VSTM4: variants seen among roughly 807,000 people sequenced by gnomAD.
The protein encoded by VSTM4 is V-set and transmembrane domain-containing protein 4.
A neutral mutation model predicts 36.4 loss-of-function variants in VSTM4; 20 were observed. The observed-to-expected ratio is 0.55, with a 90% CI of 0.39 to 0.80. The LOEUF (loss-of-function observed/expected upper bound fraction) is 0.80. VSTM4 is among the 30% of genes least tolerant of loss of function. The pLI is 0.00. For synonymous variants in VSTM4, 182 were observed against 173.9 expected (o/e 1.05, Z -0.37); for missense variants, 392 against 404.5 (o/e 0.97, Z 0.26).
In VSTM4 at chr10:49,018,337, T is replaced by TGGGAA; in HGVS notation, c.*1308_*1312dup. ...TCCCATTTTACCCTCAAGAATTCTA[T>TGGGAA]GGGAAGTTAAGTCGTCTTTACACAA... On this transcript the variant is annotated 3_prime_UTR_variant, in exon 8 of 8. Coordinates refer to ENST00000332853, the MANE Select transcript of VSTM4 (RefSeq NM_001031746.5). 1 of 152,290 alleles carries TGGGAA rather than the reference T, an allele frequency of 6.6e-6. No individual in the cohort carries two copies. Among genetic ancestry groups the TGGGAA allele is most frequent in the Non-Finnish European group, 1.5e-5 (1 of 68,024 alleles). 9.4% of individuals were successfully genotyped at this position (152,290 alleles called of 1,614,324 possible). A position where few individuals can be genotyped will look rare whatever the true frequency, so the allele number is the denominator to read the frequency against.
chr10:49,085,965 T>G lies in VSTM4; in HGVS notation c.516A>C (p.Ala172=), dbSNP rs778146954. 2 of 1,586,626 alleles carry G rather than the reference T, an allele frequency of 1.3e-6. No individual in the cohort carries two copies. Among genetic ancestry groups the G allele is most frequent in the East Asian group, 4.5e-5 (2 of 44,514 alleles). ...SSFEKTKETW[A]FFEDLYVYAV... is the part of the protein sequence containing the mutation. ...ATATACAAGCTTTACCTTCAAAAAA[T>G]GCCCAAGTCTCTTTTGTTTTCTCAA... The change falls in exon 3 of 8, where the codon GCA becomes GCC. Residue 172 remains alanine (A), a synonymous_variant. Transcript: ENST00000332853.
At chr10:49,075,821 C>T (rs1048562192) in intron 4 of VSTM4, among the ~76,000 whole-genome samples, 2 of 152,236 alleles carry the variant, frequency 1.3e-5, no homozygotes, top group Admixed American at 6.5e-5. Flanking sequence ...CTGTTCCTGA[C>T]CCCCTGGCTT....
chr10:49,111,212 G>A (rs1027799674), intron 1 of VSTM4, among the ~76,000 whole-genome samples: 2 of 152,226 alleles, frequency 1.3e-5, no homozygotes, highest in African/African-American at 4.8e-5. Flanking sequence ...GCACCCAGGG[G>A]CTGGCAAATG....
intron 7 of VSTM4, among the ~76,000 whole-genome samples, chr10:49,024,128 A>G (rs1564564293): frequency 6.6e-6 from 1 of 152,056 alleles, no homozygotes; most frequent in Non-Finnish European, 1.5e-5. Flanking sequence ...GTTTTACTTT[A>G]TTTTCCATTT....
At chr10:49,048,709 G>T in intron 5 of VSTM4, 125 bp from the exon 6 acceptor site, 1 of 734,414 alleles carries the variant, frequency 1.4e-6, no homozygotes, top group South Asian at 1.8e-5. Flanking sequence ...TGTAAGGGAA[G>T]GTTATCATAT....
At chr10:49,067,109 T>A (rs1056021052) in intron 4 of VSTM4, among the ~76,000 whole-genome samples, 9 of 152,236 alleles carry the variant, frequency 5.9e-5, no homozygotes, top group Non-Finnish European at 1.2e-4. Context: ...GAAAGATGGA[T>A]CTAATCATTT....
chr10:49,056,128 T>G (rs980713545), intron 5 of VSTM4, among the ~76,000 whole-genome samples: 5 of 152,254 alleles, frequency 3.3e-5, no homozygotes, highest in African/African-American at 1.2e-4. Context: ...CTGTCCACAG[T>G]GCCCCCATGA....
chr10:49,072,897 A>G (rs1179247974), intron 4 of VSTM4, among the ~76,000 whole-genome samples: 1 of 152,226 alleles, frequency 6.6e-6, no homozygotes, highest in African/African-American at 2.4e-5. Flanking sequence ...AGCCCAGTGC[A>G]GAATCTTGAA....
intron 2 of VSTM4, among the ~76,000 whole-genome samples, chr10:49,101,757 C>G (rs192785834): frequency 3.3e-5 from 5 of 152,310 alleles, no homozygotes; most frequent in African/African-American, 1.2e-4. Context: ...ATCTAACTAA[C>G]AGATACACTT....
chr10:49,113,832 T>C (rs2132034148), intron 1 of VSTM4, among the ~76,000 whole-genome samples: 1 of 152,118 alleles, frequency 6.6e-6, no homozygotes, highest in African/African-American at 2.4e-5. Context: ...GAAAAGTGGG[T>C]GGCACACAGT....
intron 2 of VSTM4, among the ~76,000 whole-genome samples, chr10:49,093,779 G>A (rs1363798623): frequency 1.9e-5 from 2 of 107,022 alleles, no homozygotes; most frequent in African/African-American, 7.4e-5. Context: ...ATGGAGTCTT[G>A]CTTCGTCGCC....
intron 7 of VSTM4, among the ~76,000 whole-genome samples, chr10:49,037,817 T>G (rs901334283): frequency 6.6e-6 from 1 of 151,996 alleles, no homozygotes. Context: ...TAGCCATTTC[T>G]CCAAAGATAG....
Position 49,077,199 on chromosome 10 carries a change from G to A in VSTM4, c.634+20C>T, listed in dbSNP as rs1181113979. The A allele has an allele frequency of 6.2e-7, 1 of 1,611,986 alleles. No homozygotes were observed. The highest frequency in any genetic ancestry group is 1.1e-5 in the South Asian group (1 of 90,964). On this transcript the variant is annotated intron_variant, in intron 4 of 7. Transcript: ENST00000332853. ...CGGGGTGTGCTCCCATCCCAGACAT[G>A]ACCTTATCTGTTTTCTTACCTCTGG... is the stretch of plus-strand genomic sequence containing the variant.
chr10:49,102,202 A>T (rs1016341913), intron 2 of VSTM4: 1 of 134,634 alleles, frequency 7.4e-6, no homozygotes, highest in African/African-American at 3.5e-5. Context: ...CAGTGGCGGG[A>T]TCTTGGCTCA....
At chr10:49,074,840 C>A (rs1034583815) in intron 4 of VSTM4, among the ~76,000 whole-genome samples, 1 of 152,220 alleles carries the variant, frequency 6.6e-6, no homozygotes, top group Non-Finnish European at 1.5e-5. Flanking sequence ...CTTGGGAACC[C>A]AGCTTGGAAA....
chr10:49,096,745 C>T (rs1738344281), intron 2 of VSTM4, among the ~76,000 whole-genome samples: 1 of 151,770 alleles, frequency 6.6e-6, no homozygotes, highest in African/African-American at 2.4e-5. Flanking sequence ...ACTTCTGCCT[C>T]CCAGGTCCAA....
chr10:49,100,100 G>A (rs1021284279), intron 2 of VSTM4, among the ~76,000 whole-genome samples: 3 of 152,156 alleles, frequency 2.0e-5, no homozygotes, highest in African/African-American at 7.2e-5. Flanking sequence ...AATCCCAGTT[G>A]TTTTTTTGAT....
At chr10:49,104,988 CACAGAGAG>C (rs1214246300) in intron 2 of VSTM4, among the ~76,000 whole-genome samples, 2 of 118,156 alleles carry the variant, frequency 1.7e-5, no homozygotes, top group East Asian at 2.5e-4. Flanking sequence ...GAGACAGAGA[CACAGAGAG>C]ACAGAGAGAG....
Position 49,078,152 on chromosome 10 carries a change from T to C in VSTM4, c.527-826A>G, listed in dbSNP as rs543326658. Reference sequence around the variant, plus strand: ...TCAGGGTGGCTAAAATAAAAAATAGTGACATCCCCAAATGCTGGCAAGGAT... The same window carrying C: ...TCAGGGTGGCTAAAATAAAAAATAGCGACATCCCCAAATGCTGGCAAGGAT... On this transcript the variant is annotated intron_variant, in intron 3 of 7. Coordinates refer to ENST00000332853, the MANE Select transcript of VSTM4 (RefSeq NM_001031746.5). Among the ~76,000 whole-genome samples the C allele has an allele frequency of 1.8e-4, 27 of 152,298 alleles. No homozygotes were observed. The South Asian group carries it at 5.4e-3, about 30-fold the overall frequency.
Sources: allele counts gnomAD v4.1 joint callset (sites outside exome capture counted in the v4.1 genomes callset), GRCh38; gene constraint gnomAD v4.1.1; transcripts MANE v1.5; gene names NCBI Gene and HGNC (gene_info 2026-07-23, HGNC 2026-07-21).